APOL1: variants seen among roughly 807,000 people sequenced by gnomAD.
The protein encoded by APOL1 is apolipoprotein L 1.
APOL1 carries 17 observed loss-of-function variants against 14.9 expected under a neutral mutation model. The observed-to-expected ratio is 1.14, with a 90% CI of 0.78 to 1.71. APOL1 has a LOEUF of 1.71. Ranked by LOEUF, APOL1 falls within the 40% of genes most tolerant of loss-of-function variation. The probability of loss-of-function intolerance (pLI) is 0.00; values close to 1 mark genes in which losing one functional copy is unlikely to be tolerated. For synonymous variants in APOL1, 195 were observed against 184.8 expected, an observed-to-expected ratio of 1.05 and a Z score of -0.45; for missense variants, 523 against 485.9, an observed-to-expected ratio of 1.08 and a Z score of -0.72.
At chr22:36,254,753 C>T (rs906665535) in intron 1 of APOL1, 184 bp from the exon 2 acceptor site, 18 of 631,116 alleles carry the variant, frequency 2.9e-5, no homozygotes, top group Non-Finnish European at 4.8e-5. Flanking sequence ...GTCCCAGCTA[C>T]TCGGGAGGCT....
At chr22:36,257,698 G>GT (rs1222401359) in intron 4 of APOL1, 2 of 268,596 alleles carry the variant, frequency 7.4e-6, no homozygotes, top group African/African-American at 2.4e-5. Context: ...GGAATCAGCG[G>GT]GGGGGGGGGG....
intron 5 of APOL1, among the ~76,000 whole-genome samples, chr22:36,264,071 C>G (rs2016156502): frequency 6.6e-6 from 1 of 152,154 alleles, no homozygotes; most frequent in Non-Finnish European, 1.5e-5. Flanking sequence ...TGTGGAAGGC[C>G]AAGGTCGGCG....
In APOL1 at chr22:36,265,136, C is replaced by G. The variant is rs543575592; in HGVS notation, c.315-15C>G. The G allele has an allele frequency of 1.9e-6, 3 of 1,613,294 alleles. No individual in the cohort carries two copies. The East Asian group carries it at 6.7e-5, about 36-fold the overall frequency. On this transcript the variant is annotated splice_polypyrimidine_tract_variant and intron_variant, in intron 5 of 5. Coordinates refer to ENST00000397278, the MANE Select transcript of APOL1 (RefSeq NM_003661.4). ...AAAACTGCATTTCTTAATCCTTTAA[C>G]CTTTCCTTGTGCAGGAATGAGGCAG... is the stretch of plus-strand genomic sequence containing the variant.
chr22:36,255,310 G>A, intron 2 of APOL1, among the ~76,000 whole-genome samples: 1 of 138,272 alleles, frequency 7.2e-6, no homozygotes, highest in Admixed American at 7.3e-5. Flanking sequence ...CGAGGCACCA[G>A]CTCTCTCTAC....
At position 36,259,735 on chromosome 22, in the gene APOL1, G is replaced by C. The variant is rs547669447; in HGVS notation, c.188-1861G>C. The C allele has an allele frequency of 4.3e-5, 56 of 1,304,252 alleles. No individual in the cohort carries two copies. In the African/African-American group the frequency reaches 8.0e-4, roughly 19 times the overall value. 80.8% of individuals were successfully genotyped at this position (1,304,252 alleles called of 1,614,324 possible). A position where few individuals can be genotyped will look rare whatever the true frequency, so the allele number is the denominator to read the frequency against. On this transcript the variant is annotated intron_variant, in intron 4 of 5. Transcript: ENST00000397278. ...CTGAGACCAGCCTGCAGAGGACAGA[G>C]GCAACATGGAGGTGCCTCAAGGATC...
intron 2 of APOL1, 113 bp downstream of exon 2, chr22:36,255,112 G>A (rs2015823195): frequency 2.3e-6 from 3 of 1,302,274 alleles, no homozygotes; most frequent in Non-Finnish European, 3.3e-6. Context: ...AGGAACCAAA[G>A]TCACTTCCCG....
Position 36,265,235 on chromosome 22 carries a change from C to G in APOL1, c.399C>G (p.Gly133=). 6.2e-7 allele frequency: 1 copy of G among 1,614,180 alleles called. No individual in the cohort carries two copies. Among genetic ancestry groups the G allele is most frequent in the Non-Finnish European group, 8.5e-7 (1 of 1,180,040 alleles). ...AAGACAAAAACTGGCACGATAAAGG[C>G]CAGCAGTACAGAAACTGGTTTCTGA... ...IMKDKNWHDK[G]QQYRNWFLKE... Residue 133 remains glycine (G), a synonymous_variant, in exon 6 of 6, where the codon GGC becomes GGG. Transcript: ENST00000397278.
chr22:36,261,215 G>T (rs1304165512), intron 4 of APOL1, among the ~76,000 whole-genome samples: 1 of 152,202 alleles, frequency 6.6e-6, no homozygotes, highest in Non-Finnish European at 1.5e-5. Flanking sequence ...GTGCCAAAAG[G>T]GTTGGAGTCT....
chr22:36,257,000 A>C, intron 2 of APOL1, 83 bp from the exon 3 acceptor site: 5 of 1,469,132 alleles, frequency 3.4e-6, no homozygotes, highest in Non-Finnish European at 4.7e-6. Context: ...CCCCATCTCT[A>C]TTTCTGTGTA....
intron 2 of APOL1, 46 bp downstream of exon 2, chr22:36,255,045 C>A: frequency 6.3e-7 from 1 of 1,584,086 alleles, no homozygotes; most frequent in Non-Finnish European, 8.7e-7. Flanking sequence ...GGCTCCCTGT[C>A]TGGGCTGCAC....
intron 4 of APOL1, among the ~76,000 whole-genome samples, chr22:36,260,165 C>T (rs545484334): frequency 2.0e-5 from 3 of 152,262 alleles, no homozygotes; most frequent in Non-Finnish European, 2.9e-5. Flanking sequence ...GAGGCCGAGG[C>T]GGGCAGATCA....
chr22:36,257,553 G>A, intron 4 of APOL1, 146 bp downstream of exon 4: 3 of 830,020 alleles, frequency 3.6e-6, no homozygotes, highest in Non-Finnish European at 6.1e-6. Context: ...GTCACGTGGA[G>A]TCCCCCGACC....
chr22:36,254,404 C>T (rs376585850), intron 1 of APOL1, among the ~76,000 whole-genome samples: 38 of 151,996 alleles, frequency 2.5e-4, no homozygotes, highest in African/African-American at 8.7e-4. Flanking sequence ...TCTATGAAAT[C>T]AAAAATTAAC....
At chr22:36,262,925 TCA>T in intron 5 of APOL1, among the ~76,000 whole-genome samples, 1 of 152,250 alleles carries the variant, frequency 6.6e-6, no homozygotes, top group Non-Finnish European at 1.5e-5. Context: ...CTGAGCAGAC[TCA>T]CAACTTCCCA....
At chr22:36,254,592 G>A (rs1289059834) in intron 1 of APOL1, among the ~76,000 whole-genome samples, 1 of 152,108 alleles carries the variant, frequency 6.6e-6, no homozygotes, top group East Asian at 1.9e-4. Flanking sequence ...GGCCGGGCGC[G>A]GTGGCTCACG....
Position 36,266,201 on chromosome 22 carries a change from C to T in APOL1, c.*168C>T. Reference sequence around the variant, plus strand: ...TGCCTCCCGTGTTCAAGCGATTCTCCTGCCTTGGCCTCCCAAGTAGCTGGG... The same window carrying T: ...TGCCTCCCGTGTTCAAGCGATTCTCTTGCCTTGGCCTCCCAAGTAGCTGGG... On this transcript the variant is annotated 3_prime_UTR_variant, in exon 6 of 6. Transcript: ENST00000397278. 1 of 716,132 alleles carries T rather than the reference C, an allele frequency of 1.4e-6. No homozygotes were observed. The highest frequency in any genetic ancestry group is 2.3e-5 in the South Asian group (1 of 42,690). 44.4% of individuals were successfully genotyped at this position (716,132 alleles called of 1,614,324 possible). A position where few individuals can be genotyped will look rare whatever the true frequency, so the allele number is the denominator to read the frequency against.
intron 4 of APOL1, chr22:36,259,805 C>A: frequency 2.3e-6 from 3 of 1,304,302 alleles, no homozygotes; most frequent in South Asian, 2.5e-5. Context: ...GAACCCCCTC[C>A]ACTGCCCATC....
intron 5 of APOL1, 95 bp downstream of exon 5, chr22:36,261,817 G>T: frequency 2.1e-6 from 3 of 1,459,830 alleles, no homozygotes; most frequent in Non-Finnish European, 1.9e-6. Context: ...CCTCCTCCAG[G>T]CAGCCCCCTC....
intron 2 of APOL1, among the ~76,000 whole-genome samples, chr22:36,256,103 G>A (rs1338424537): frequency 6.6e-6 from 1 of 152,034 alleles, no homozygotes; most frequent in Non-Finnish European, 1.5e-5. Flanking sequence ...TGCTACCTTT[G>A]TGCTTTAAAT....
Sources: allele counts gnomAD v4.1 joint callset (sites outside exome capture counted in the v4.1 genomes callset), GRCh38; gene constraint gnomAD v4.1.1; transcripts MANE v1.5; gene names NCBI Gene and HGNC (gene_info 2026-07-23, HGNC 2026-07-21).